CHD1L: variants seen among roughly 807,000 people sequenced by gnomAD.
The protein encoded by CHD1L is chromodomain helicase DNA binding protein 1 like.
In CHD1L, 118 loss-of-function variants were observed where a neutral mutation model predicts 115.9. The observed-to-expected ratio is 1.02, with a 90% CI of 0.88 to 1.19. The LOEUF is 1.19. Ranked by LOEUF, CHD1L falls within the 50% of genes most tolerant of loss-of-function variation. CHD1L has a pLI of 0.00. For synonymous variants in CHD1L, 411 were observed against 387.1 expected (o/e 1.06, Z -0.72); for missense variants, 1,179 against 1,065.3 (o/e 1.11, Z -1.49).
At chr1:147,206,350 A>T in the CHD1L span, among the ~76,000 whole-genome samples, 5,723 of 152,260 alleles carry the variant, frequency 0.038, 148 homozygotes, top group South Asian at 0.095. Context: ...ATTGTGGAAG[A>T]CAGTGTGGCG....
At chr1:147,215,430 C>A in the CHD1L span, 1 of 227,018 alleles carries the variant, frequency 4.4e-6, no homozygotes, top group Non-Finnish European at 8.6e-6. Flanking sequence ...TTTTAAAGTT[C>A]CCATACCTAT....
intron 19 of CHD1L, among the ~76,000 whole-genome samples, chr1:147,288,480 AAACC>A (rs1684271166): frequency 6.6e-6 from 1 of 152,106 alleles, no homozygotes; most frequent in African/African-American, 2.4e-5. Context: ...AAGGAATTCA[AAACC>A]AGCCTCACCA....
the CHD1L span, chr1:147,190,051 C>T: frequency 1.2e-5 from 7 of 603,108 alleles, no homozygotes; most frequent in Admixed American, 3.0e-5. Flanking sequence ...ATTATTTTTC[C>T]TTTTTTCTTC....
In CHD1L at chr1:147,295,461, C is replaced by A; in HGVS notation, c.2646C>A (p.Val882=). 1 of 1,611,576 alleles carries A rather than the reference C, an allele frequency of 6.2e-7. No homozygotes were observed. Among genetic ancestry groups the A allele is most frequent in the South Asian group, 1.1e-5 (1 of 90,938 alleles). ...IYYFPRSKSA[V]LHSQSSSSSS... ...ATTTTCCTAGAAGCAAGTCTGCTGTCCTTCATTCACAGTCTTCATCTTCCT... is the reference window on the plus strand; with the variant it reads ...ATTTTCCTAGAAGCAAGTCTGCTGTACTTCATTCACAGTCTTCATCTTCCT... The change falls in exon 23 of 23, where the codon GTC becomes GTA. Residue 882 remains valine (V), a synonymous_variant. Coordinates refer to ENST00000369258, the MANE Select transcript of CHD1L (RefSeq NM_004284.6).
intron 15 of CHD1L, among the ~76,000 whole-genome samples, chr1:147,280,726 A>G (rs1680519231): frequency 1.3e-5 from 2 of 152,044 alleles, no homozygotes; most frequent in South Asian, 2.1e-4. Flanking sequence ...TTTGGTCAGC[A>G]TTTGTCATTT....
Position 147,280,160 on chromosome 1 carries a change from A to C in CHD1L, c.1674A>C (p.Ala558=). ...GQWVSDALPA[A]EGGSRDQEEG... is the part of the protein sequence containing the mutation. ...GGGTCTCTGATGCCTTGCCTGCAGC[A>C]GAAGGAGGGAGCAGAGATCAAGAGG... Residue 558 remains alanine (A), a synonymous_variant, in exon 15 of 23, where the codon GCA becomes GCC. Transcript: ENST00000369258. 1 of 1,610,624 alleles carries C rather than the reference A, an allele frequency of 6.2e-7. No homozygotes were observed. Among genetic ancestry groups the C allele is most frequent in the Non-Finnish European group, 8.5e-7 (1 of 1,178,550 alleles).
chr1:147,272,199 T>C lies in CHD1L; in HGVS notation c.1188T>C (p.Ser396=). The C allele has an allele frequency of 6.2e-7, 1 of 1,614,156 alleles. No individual in the cohort carries two copies. The highest frequency in any genetic ancestry group is 2.2e-5 in the East Asian group (1 of 44,882). ...ACAGCTATGAGCGTGTGGATGGTTC[T>C]GTGAGAGGAGAAGAGAGACACTTGG... ...RGYSYERVDG[S]VRGEERHLAI... The change falls in exon 12 of 23, where the codon TCT becomes TCC. Residue 396 remains serine, a synonymous_variant. Transcript: ENST00000369258.
upstream of CHD1L, among the ~76,000 whole-genome samples, chr1:147,240,073 A>C (rs1553930394): frequency 1.3e-5 from 2 of 152,246 alleles, no homozygotes; most frequent in Non-Finnish European, 2.9e-5. Context: ...ATTGTGTTTT[A>C]CTTTTGTCTT....
Position 147,285,492 on chromosome 1 carries a change from G to C in CHD1L, c.2018+5G>C. 1 of 1,608,306 alleles carries C rather than the reference G, an allele frequency of 6.2e-7. No individual in the cohort carries two copies. Among genetic ancestry groups the C allele is most frequent in the Non-Finnish European group, 8.5e-7 (1 of 1,178,342 alleles). ...AGAGGCTGAACATAAGAAAAAGTAT[G>C]TCTGCGTTAACCAAGCTGGCGGCCA... On this transcript the variant is annotated splice_donor_5th_base_variant and intron_variant, in intron 17 of 22. Coordinates refer to ENST00000369258, the MANE Select transcript of CHD1L (RefSeq NM_004284.6).
At chr1:147,193,420 G>T in the CHD1L span, among the ~76,000 whole-genome samples, 1 of 151,984 alleles carries the variant, frequency 6.6e-6, no homozygotes, top group Non-Finnish European at 1.5e-5. Flanking sequence ...AGTCTTGCTA[G>T]CAGTTTATCA....
At chr1:147,278,370 G>A (rs587628314) in intron 14 of CHD1L, among the ~76,000 whole-genome samples, 19 of 151,374 alleles carry the variant, frequency 1.3e-4, no homozygotes, top group Admixed American at 5.9e-4. Context: ...GACTACAGGC[G>A]CGCACCACCA....
At position 147,285,356 on chromosome 1, in the gene CHD1L, CA is replaced by C; in HGVS notation, c.1891del (p.Arg631GlyfsTer5). On this transcript the variant is annotated frameshift_variant, in exon 17 of 23. Transcript: ENST00000369258. LOFTEE classifies it high-confidence loss of function. ...LIPGLVEGST[K>X]RKRVLSPEEL... is the part of the protein sequence containing the mutation. ...TCCCAGGCCTTGTGGAGGGATCTAC[CA>C]AAAGGAAGCGGGTTCTGAGTCCAGA... 6.2e-7 allele frequency: 1 copy of C among 1,613,738 alleles called. No individual in the cohort carries two copies. Among genetic ancestry groups the C allele is most frequent in the Non-Finnish European group, 8.5e-7 (1 of 1,179,888 alleles).
the CHD1L span, among the ~76,000 whole-genome samples, chr1:147,229,205 C>A: frequency 6.6e-6 from 1 of 152,160 alleles, no homozygotes; most frequent in South Asian, 2.1e-4. Context: ...AGGAAGGGAT[C>A]CAGTTTCAGC....
Position 147,291,501 on chromosome 1 carries a change from C to A in CHD1L, c.2340C>A (p.Val780=). 1 of 1,613,898 alleles carries A rather than the reference C, an allele frequency of 6.2e-7. No individual in the cohort carries two copies. Among genetic ancestry groups the A allele is most frequent in the Non-Finnish European group, 8.5e-7 (1 of 1,179,878 alleles). Residue 780 remains valine (V), a synonymous_variant, in exon 20 of 23, where the codon GTC becomes GTA. Transcript: ENST00000369258. ...GKMKDLSLGG[V]LLFPVDDKES... is the part of the protein sequence containing the mutation. Reference sequence around the variant, plus strand: ...CCTCAGACCTGAGTTTGGGAGGTGTCCTTTTATTTCCTGTTGATGATAAAG... The same window carrying A: ...CCTCAGACCTGAGTTTGGGAGGTGTACTTTTATTTCCTGTTGATGATAAAG...
chr1:147,246,671 C>T (rs1365493690), intron 1 of CHD1L, among the ~76,000 whole-genome samples: 3 of 152,120 alleles, frequency 2.0e-5, no homozygotes, highest in African/African-American at 7.2e-5. Flanking sequence ...TATGTAACCT[C>T]TTTGATAAAA....
At chr1:147,224,586 T>C in the CHD1L span, among the ~76,000 whole-genome samples, 1 of 152,088 alleles carries the variant, frequency 6.6e-6, no homozygotes, top group South Asian at 2.1e-4. Flanking sequence ...CTCGGCTCAC[T>C]GCAAGCTCTG....
chr1:147,245,771 G>A (rs1254442491), intron 1 of CHD1L, among the ~76,000 whole-genome samples: 1 of 150,698 alleles, frequency 6.6e-6, no homozygotes, highest in Non-Finnish European at 1.5e-5. Context: ...GCCTCGACCT[G>A]GGCTTCAGTG....
At position 147,252,633 on chromosome 1, in the gene CHD1L, A is replaced by G. The variant is rs587696014; in HGVS notation, c.138A>G (p.Leu46=). 2.5e-6 allele frequency: 4 copies of G among 1,613,878 alleles called. No individual in the cohort carries two copies. In the South Asian group the frequency reaches 3.3e-5, roughly 13 times the overall value. ...LRQWGLTGIH[L]RSYQLEGVNW... is the part of the protein sequence containing the mutation. Reference sequence around the variant, plus strand: ...ATTTTTTGTTTCTAGGGATTCACCTACGCTCTTACCAGCTGGAGGGAGTAA... The same window carrying G: ...ATTTTTTGTTTCTAGGGATTCACCTGCGCTCTTACCAGCTGGAGGGAGTAA... Residue 46 remains leucine (L), a synonymous_variant, in exon 2 of 23, where the codon CTA becomes CTG. Transcript: ENST00000369258.
At position 147,276,205 on chromosome 1, in the gene CHD1L, G is replaced by A; in HGVS notation, c.1487G>A (p.Gly496Glu). The A allele has an allele frequency of 3.7e-6, 6 of 1,614,172 alleles. No homozygotes were observed. Among genetic ancestry groups the A allele is most frequent in the Non-Finnish European group, 5.1e-6 (6 of 1,180,030 alleles). Reference sequence around the variant, plus strand: ...CAGCTCACCAACATGATCATAGAAGGAGGCCATTTTACTCTGGGAGCCCAG... The same window carrying A: ...CAGCTCACCAACATGATCATAGAAGAAGGCCATTTTACTCTGGGAGCCCAG... ...KLQLTNMIIE[G>E]GHFTLGAQKP... is the part of the protein sequence containing the mutation. Residue 496 changes from glycine to glutamate, a missense_variant, in exon 14 of 23, where the codon GGA becomes GAA. Gly to Glu is a moderately conservative substitution (Grantham distance 98). Transcript: ENST00000369258.
Sources: gnomAD v4.1 joint callset for allele counts (sites outside exome capture counted in the v4.1 genomes callset) on GRCh38, gnomAD v4.1.1 for gene constraint, MANE v1.5 for transcripts, NCBI Gene and HGNC (gene_info 2026-07-23, HGNC 2026-07-21) for gene names.